AFDN: variants seen among roughly 807,000 people sequenced by gnomAD.
The protein encoded by AFDN is afadin.
AFDN carries 68 observed loss-of-function variants against 216.6 expected under a neutral mutation model. That is an observed-to-expected ratio of 0.31 (90% CI 0.26 to 0.38). AFDN has a LOEUF of 0.38. AFDN is among the 10% of genes least tolerant of loss of function. AFDN has a pLI of 1.00. For missense variants in AFDN, 2,136 were observed against 2,342.0 expected (o/e 0.91, Z 1.82); for synonymous variants, 868 against 853.7 (o/e 1.02, Z -0.29).
intron 23 of AFDN, among the ~76,000 whole-genome samples, chr6:167,942,426 G>A (rs773965958): frequency 1.1e-4 from 17 of 152,108 alleles, no homozygotes; most frequent in Non-Finnish European, 2.5e-4. Context: ...GATTTCATGC[G>A]TAGGACTGCT....
At chr6:167,925,180 T>C (rs1419760699) in intron 23 of AFDN, 89 bp downstream of exon 23, 3 of 907,774 alleles carry the variant, frequency 3.3e-6, no homozygotes, top group East Asian at 2.5e-5. Context: ...GGGAGTACTT[T>C]ACCACCTGTG....
chr6:167,964,320 G>C, intron 31 of AFDN: 1 of 1,064,160 alleles, frequency 9.4e-7, no homozygotes. Context: ...ATAACTAAAA[G>C]AGGATATTTT....
intron 9 of AFDN, among the ~76,000 whole-genome samples, chr6:167,894,901 A>G (rs778583090): frequency 4.6e-5 from 7 of 152,178 alleles, no homozygotes; most frequent in African/African-American, 1.7e-4. Flanking sequence ...CACATTTTTC[A>G]TGTTCTGTTT....
chr6:167,956,272 G>A lies in AFDN; in HGVS notation c.4833+4085G>A, dbSNP rs190156466. Among the ~76,000 whole-genome samples the A allele has an allele frequency of 1.3e-3, 191 of 152,180 alleles. 3 individuals are homozygous for A. The highest frequency in any genetic ancestry group is 4.5e-3 in the African/African-American group (185 of 41,526). ...TATAGGGAGTGACACTACCCAGTAT[G>A]GTTCTTAAGATATTTTCTTAGACAC... is the stretch of plus-strand genomic sequence containing the variant. On this transcript the variant is annotated intron_variant, in intron 30 of 33. Coordinates refer to ENST00000683244, the MANE Select transcript of AFDN (RefSeq NM_001386888.1).
chr6:167,871,148 C>T (rs577077498), intron 3 of AFDN, among the ~76,000 whole-genome samples: 2 of 119,126 alleles, frequency 1.7e-5, no homozygotes, highest in African/African-American at 6.4e-5. Flanking sequence ...AAAAGGCTGT[C>T]GTTAATCACT....
At chr6:167,955,099 C>T (rs570865034) in intron 30 of AFDN, among the ~76,000 whole-genome samples, 10 of 152,200 alleles carry the variant, frequency 6.6e-5, no homozygotes, top group South Asian at 2.1e-4. Flanking sequence ...TTTGGCTCAT[C>T]GTTTAGGGCC....
intron 8 of AFDN, chr6:167,893,647 T>C: frequency 1.9e-6 from 1 of 527,146 alleles, no homozygotes; most frequent in Non-Finnish European, 3.5e-6. Flanking sequence ...CTTAACAGTC[T>C]GCATTGGTTT....
intron 1 of AFDN, among the ~76,000 whole-genome samples, chr6:167,829,339 T>G (rs976397572): frequency 1.3e-5 from 2 of 152,310 alleles, no homozygotes; most frequent in East Asian, 3.8e-4. Context: ...GCATTTAACA[T>G]ATTGTATCTT....
At chr6:167,969,029 A>G (rs945247551) in intron 32 of AFDN, 85 bp from the exon 33 acceptor site, 1 of 1,053,532 alleles carries the variant, frequency 9.5e-7, no homozygotes, top group Non-Finnish European at 1.5e-6. Flanking sequence ...GTATTTTTGT[A>G]TTCTCTGAGC....
At position 167,965,835 on chromosome 6, in the gene AFDN, C is replaced by A; in HGVS notation, c.5047C>A (p.Leu1683Met). ...GCACGACGAGGCGGCGCGCAGGTTG[C>A]TGGAGCCCGAGGCGCCCGGTCTGTG... ...RQHDEAARRLLEPEAPGLCRP... is the reference protein window; with the variant it reads ...RQHDEAARRLMEPEAPGLCRP... Residue 1683 changes from leucine (L) to methionine (M), a missense_variant, in exon 32 of 34, where the codon CTG (leucine) becomes ATG (methionine). Transcript: ENST00000683244. 6.4e-7 allele frequency: 1 copy of A among 1,553,906 alleles called. No homozygotes were observed. Among genetic ancestry groups the A allele is most frequent in the Non-Finnish European group, 8.7e-7 (1 of 1,148,964 alleles).
At chr6:167,836,558 A>G (rs1350591310) in intron 1 of AFDN, among the ~76,000 whole-genome samples, 2 of 152,240 alleles carry the variant, frequency 1.3e-5, no homozygotes, top group African/African-American at 4.8e-5. Flanking sequence ...TAGTAAAAAC[A>G]AAATGTCAGA....
At chr6:167,912,561 A>AT (rs1283579722) in intron 15 of AFDN, among the ~76,000 whole-genome samples, 8 of 152,212 alleles carry the variant, frequency 5.3e-5, no homozygotes, top group African/African-American at 1.9e-4. Context: ...AAGTCATTTT[A>AT]TTTGGATACC....
chr6:167,906,963 C>G (rs1045692647), intron 12 of AFDN, among the ~76,000 whole-genome samples: 1 of 152,238 alleles, frequency 6.6e-6, no homozygotes, highest in Non-Finnish European at 1.5e-5. Flanking sequence ...ATGAAAGTGG[C>G]TGTGCGTCTT....
At position 167,900,277 on chromosome 6, in the gene AFDN, C is replaced by T. The variant is rs1163060244; in HGVS notation, c.1580+1810C>T. Among the ~76,000 whole-genome samples, 3 of 152,182 alleles carry T rather than the reference C, an allele frequency of 2.0e-5. 1 individual carries two copies. The highest frequency in any genetic ancestry group is 2.0e-4 in the Admixed American group (3 of 15,276). On this transcript the variant is annotated intron_variant, in intron 11 of 33. Transcript: ENST00000683244. Reference sequence around the variant, plus strand: ...TAGATAACTCACATACCCTCCAATGCAGATTTCATAGTGTGTCTTCAAATC... The same window carrying T: ...TAGATAACTCACATACCCTCCAATGTAGATTTCATAGTGTGTCTTCAAATC...
At chr6:167,827,350 C>CA in intron 1 of AFDN, 113 bp downstream of exon 1, 1 of 177,082 alleles carries the variant, frequency 5.6e-6, no homozygotes, top group Non-Finnish European at 1.0e-5. Flanking sequence ...TCCCCCTCCC[C>CA]CCTCCGCCCC....
intron 1 of AFDN, among the ~76,000 whole-genome samples, chr6:167,844,849 CT>C (rs67495555): frequency 0.25 from 31,214 of 126,086 alleles, 1,934 homozygotes; most frequent in East Asian, 0.44. Flanking sequence ...CTTTTCTTTT[CT>C]TTTTTTTTTT....
intron 13 of AFDN, among the ~76,000 whole-genome samples, chr6:167,908,403 A>G (rs1789985914): frequency 6.6e-6 from 1 of 152,202 alleles, no homozygotes. Flanking sequence ...TTTATTGGCT[A>G]TGTGAATCTT....
rs561035219 is a variant in AFDN, at chr6:167,900,691, C to T, written c.1581-1626C>T. ...GAATCAAGAAGGCTTTGATTCTACT[C>T]ACATACTACCCACAAGAGGAAGTTA... On this transcript the variant is annotated intron_variant, in intron 11 of 33. Transcript: ENST00000683244. 1.2e-4 allele frequency among the ~76,000 whole-genome samples: 18 copies of T among 152,250 alleles called. No homozygotes were observed. In the East Asian group the frequency reaches 1.5e-3, roughly 13 times the overall value.
intron 31 of AFDN, chr6:167,964,748 A>G: frequency 9.4e-7 from 1 of 1,065,486 alleles, no homozygotes; most frequent in Non-Finnish European, 1.1e-6. Context: ...AAGCTCTCTA[A>G]AATTAGTTTT....
Sources: allele counts gnomAD v4.1 joint callset (sites outside exome capture counted in the v4.1 genomes callset), GRCh38; gene constraint gnomAD v4.1.1; transcripts MANE v1.5; gene names NCBI Gene and HGNC (gene_info 2026-07-23, HGNC 2026-07-21).